FGL1: variants seen among roughly 807,000 people sequenced by gnomAD.
FGL1 encodes the protein fibrinogen like 1.
A neutral mutation model predicts 43.7 loss-of-function variants in FGL1; 59 were observed. That is an observed-to-expected ratio of 1.35 (90% confidence interval 1.10 to 1.68). The LOEUF is 1.68. Among genes scored for constraint, FGL1 ranks in the 40% most tolerant of loss-of-function variants. The pLI, the probability that FGL1 is intolerant of heterozygous loss-of-function variation, is 0.00. For synonymous variants in FGL1, 192 were observed against 126.5 expected, an observed-to-expected ratio of 1.52 and a Z score of -3.48; for missense variants, 596 against 373.0, an observed-to-expected ratio of 1.60 and a Z score of -4.92.
At chr8:17,865,809 G>C (rs1563444960) in intron 7 of FGL1, among the ~76,000 whole-genome samples, 1 of 152,104 alleles carries the variant, frequency 6.6e-6, no homozygotes, top group Admixed American at 6.6e-5. Context: ...AACATCTATG[G>C]AAAAACCCAA....
In FGL1 at chr8:17,887,230, C is replaced by T. The variant is rs530372074; in HGVS notation, c.-17-1659G>A. ...TCGCTGGAGGAACAGCAGAGCTTCA[C>T]CGAAAAGATCTTCAGAGACTGACAT... On this transcript the variant is annotated intron_variant, in intron 1 of 7. Transcript: ENST00000427924. 2.0e-5 allele frequency among the ~76,000 whole-genome samples: 3 copies of T among 152,228 alleles called. No individual in the cohort carries two copies. In the South Asian group the frequency reaches 6.2e-4, roughly 32 times the overall value.
intron 7 of FGL1, among the ~76,000 whole-genome samples, chr8:17,866,221 G>T (rs1375522872): frequency 6.6e-6 from 1 of 152,158 alleles, no homozygotes; most frequent in Non-Finnish European, 1.5e-5. Flanking sequence ...TTTTAGAACA[G>T]CCTGGATTTG....
At chr8:17,875,662 T>C (rs1275801517) in intron 3 of FGL1, among the ~76,000 whole-genome samples, 1 of 151,712 alleles carries the variant, frequency 6.6e-6, no homozygotes, top group Non-Finnish European at 1.5e-5. Flanking sequence ...TGGAGTGCAA[T>C]GGTGCTATTT....
chr8:17,885,467 A>G, intron 2 of FGL1, 25 bp downstream of exon 2: 1 of 1,557,236 alleles, frequency 6.4e-7, no homozygotes, highest in Admixed American at 1.7e-5. Context: ...TATAAATATG[A>G]CAATAGTTTT....
rs369285262 is a variant in FGL1, at chr8:17,874,477, A to G, written c.289T>C (p.Tyr97His). The G allele has an allele frequency of 2.5e-6, 4 of 1,613,954 alleles. No homozygotes were observed. Among genetic ancestry groups the G allele is most frequent in the Non-Finnish European group, 3.4e-6 (4 of 1,179,970 alleles). Residue 97 changes from tyrosine (Y) to histidine (H), a missense_variant, in exon 4 of 8, where the codon TAC (tyrosine) becomes CAC (histidine). Tyr to His is a moderately conservative substitution (Grantham distance 83). Transcript: ENST00000427924. ...FNDGYKLSGF[Y>H]KIKPLQSPAE... is the part of the protein sequence containing the mutation. Reference sequence around the variant, plus strand: ...GGGCTCTGGAGAGGTTTGATTTTGTAAAATCCACTGAGCTTATACCCATCA... The same window carrying G: ...GGGCTCTGGAGAGGTTTGATTTTGTGAAATCCACTGAGCTTATACCCATCA...
At chr8:17,877,163 G>C (rs891221492) in intron 3 of FGL1, among the ~76,000 whole-genome samples, 1 of 151,770 alleles carries the variant, frequency 6.6e-6, no homozygotes, top group Non-Finnish European at 1.5e-5. Context: ...AAAATGTTCT[G>C]ACCCACTCAA....
intron 2 of FGL1, among the ~76,000 whole-genome samples, chr8:17,882,951 TA>T (rs1178307132): frequency 3.7e-4 from 37 of 98,932 alleles, no homozygotes; most frequent in African/African-American, 1.8e-3. Flanking sequence ...AAATAATATA[TA>T]ATATATATCA....
chr8:17,888,638 G>A (rs767194277), intron 1 of FGL1, among the ~76,000 whole-genome samples: 11 of 151,992 alleles, frequency 7.2e-5, no homozygotes, highest in Non-Finnish European at 1.5e-4. Context: ...AGGGTCCTTG[G>A]GAACACTCCT....
rs750060737 is a variant in FGL1 at position 17,864,650 on chromosome 8, G to T, written c.881C>A (p.Ser294Tyr). The change falls in exon 8 of 8, where the codon TCT becomes TAT. Residue 294 changes from serine to tyrosine, a missense_variant. Transcript: ENST00000427924. ...AATTTTCATAACCACAGATTTCAGA[G>T]AATACCACCACCCATGCCAGGTGTA... The part of the protein sequence containing the change: ...VWYTWHGWWY[S>Y]LKSVVMKIRP... 5 of 1,613,238 alleles carry T rather than the reference G, an allele frequency of 3.1e-6. No homozygotes were observed. Among genetic ancestry groups the T allele is most frequent in the East Asian group, 2.2e-5 (1 of 44,868 alleles).
At chr8:17,878,230 G>A (rs2053486008) in intron 3 of FGL1, among the ~76,000 whole-genome samples, 1 of 152,132 alleles carries the variant, frequency 6.6e-6, no homozygotes, top group Non-Finnish European at 1.5e-5. Context: ...GGGATTACAG[G>A]CATGATTCAT....
chr8:17,882,684 A>T (rs2053554670), intron 2 of FGL1: 1 of 143,622 alleles, frequency 7.0e-6, no homozygotes, highest in Non-Finnish European at 1.5e-5. Flanking sequence ...AATACTTTTA[A>T]ATATGTATAT....
At chr8:17,878,347 G>C (rs888847115) in intron 3 of FGL1, among the ~76,000 whole-genome samples, 2 of 152,186 alleles carry the variant, frequency 1.3e-5, no homozygotes, top group African/African-American at 4.8e-5. Context: ...GGGACACACA[G>C]AGGTTATGTA....
chr8:17,887,712 G>A lies in FGL1; in HGVS notation c.-17-2141C>T, dbSNP rs528138496. Among the ~76,000 whole-genome samples the A allele has an allele frequency of 5.6e-4, 85 of 152,158 alleles. 1 individual carries two copies. Among genetic ancestry groups the A allele is most frequent in the African/African-American group, 1.9e-3 (79 of 41,522 alleles). On this transcript the variant is annotated intron_variant, in intron 1 of 7. Coordinates refer to ENST00000427924, the MANE Select transcript of FGL1 (RefSeq NM_004467.4). ...TAGCTAGGTGTGGTGGTGGGTGCCTGTAATCCCAGCAAATTGGGAGGCTGA... is the reference window on the plus strand; with the variant it reads ...TAGCTAGGTGTGGTGGTGGGTGCCTATAATCCCAGCAAATTGGGAGGCTGA...
At chr8:17,877,910 T>A (rs2053480349) in intron 3 of FGL1, among the ~76,000 whole-genome samples, 1 of 152,182 alleles carries the variant, frequency 6.6e-6, no homozygotes, top group Non-Finnish European at 1.5e-5. Context: ...ATAGCTGGCA[T>A]TCACTGAGTA....
At chr8:17,895,418 CA>C in intron 1 of FGL1, 28 bp downstream of exon 1, 1 of 1,278,072 alleles carries the variant, frequency 7.8e-7, no homozygotes. Context: ...ACAAGCATGT[CA>C]AAAATGCAGA....
intron 3 of FGL1, among the ~76,000 whole-genome samples, chr8:17,881,138 AT>A (rs34570292): frequency 0.15 from 21,898 of 142,938 alleles, 2,285 homozygotes; most frequent in African/African-American, 0.31. Flanking sequence ...GTGTACACGG[AT>A]TTTTTTTTTT....
intron 2 of FGL1, among the ~76,000 whole-genome samples, chr8:17,883,808 T>C (rs1262918442): frequency 7.2e-5 from 10 of 138,170 alleles, no homozygotes; most frequent in African/African-American, 2.4e-4. Context: ...CCCCTTCCCC[T>C]TTCCCTTCCT....
intron 5 of FGL1, among the ~76,000 whole-genome samples, chr8:17,873,086 G>C (rs1261290387): frequency 6.6e-6 from 1 of 152,082 alleles, no homozygotes; most frequent in Non-Finnish European, 1.5e-5. Flanking sequence ...ATATATTATA[G>C]TGTTTTATTG....
At chr8:17,888,603 T>C (rs754440561) in intron 1 of FGL1, among the ~76,000 whole-genome samples, 69 of 152,220 alleles carry the variant, frequency 4.5e-4, no homozygotes, top group Non-Finnish European at 6.6e-4. Flanking sequence ...TTTCATGTTT[T>C]CTTTTGTTTT....
Sources: gnomAD v4.1 joint callset for allele counts (sites outside exome capture counted in the v4.1 genomes callset) on GRCh38, gnomAD v4.1.1 for gene constraint, MANE v1.5 for transcripts, NCBI Gene and HGNC (gene_info 2026-07-23, HGNC 2026-07-21) for gene names.